Variants in SLC24A3 observed in about 807,000 individuals in gnomAD.
SLC24A3 encodes the protein solute carrier family 24 member 3, also known as sodium/potassium/calcium exchanger 3.
SLC24A3 carries 28 observed loss-of-function variants against 75.8 expected under a neutral mutation model. That is an observed-to-expected ratio of 0.37 (90% CI 0.27 to 0.51). SLC24A3 has a LOEUF of 0.51. Among genes scored for constraint, SLC24A3 ranks in the 20% least tolerant of loss-of-function variants. SLC24A3 has a pLI of 0.94. For missense variants in SLC24A3, 663 were observed against 847.8 expected (o/e 0.78, Z 2.71); for synonymous variants, 372 against 334.1 (o/e 1.11, Z -1.24).
intron 2 of SLC24A3, among the ~76,000 whole-genome samples, chr20:19,490,027 A>C (rs1988186483): frequency 6.6e-6 from 1 of 152,096 alleles, no homozygotes; most frequent in African/African-American, 2.4e-5. Context: ...GGGGATCCTG[A>C]ATTGCTCACC....
At chr20:19,535,206 A>T (rs1054042497) in intron 3 of SLC24A3, among the ~76,000 whole-genome samples, 1 of 152,262 alleles carries the variant, frequency 6.6e-6, no homozygotes, top group African/African-American at 2.4e-5. Context: ...GTAACAAATG[A>T]TGCTACATTT....
chr20:19,454,376 C>T (rs1425428621), intron 2 of SLC24A3, among the ~76,000 whole-genome samples: 2 of 152,120 alleles, frequency 1.3e-5, no homozygotes, highest in Admixed American at 6.5e-5. Flanking sequence ...GCTAATAGTT[C>T]AGGACAATGA....
intron 6 of SLC24A3, among the ~76,000 whole-genome samples, chr20:19,646,625 C>T (rs2032140452): frequency 6.6e-6 from 1 of 152,186 alleles, no homozygotes. Context: ...TAATCCAGCT[C>T]CATGGCATTT....
intron 2 of SLC24A3, among the ~76,000 whole-genome samples, chr20:19,452,998 A>G (rs781748861): frequency 5.3e-5 from 8 of 152,182 alleles, no homozygotes; most frequent in Non-Finnish European, 1.0e-4. Flanking sequence ...CGTGGCCAAG[A>G]TGGTGAAACC....
At chr20:19,528,207 A>G (rs2030233336) in intron 3 of SLC24A3, among the ~76,000 whole-genome samples, 1 of 152,206 alleles carries the variant, frequency 6.6e-6, no homozygotes, top group Non-Finnish European at 1.5e-5. Flanking sequence ...AGGGCCCCAA[A>G]GATAACTTGT....
chr20:19,641,116 C>CTATAT lies in SLC24A3; in HGVS notation c.613-12945_613-12941dup, dbSNP rs55967604. On this transcript the variant is annotated intron_variant, in intron 6 of 16. Transcript: ENST00000328041. ...ACTTTTAGTGCCACACCATAAAAGA[C>CTATAT]TATATGGCTTCTGCCTGTTCTCTTG... 2.8e-3 allele frequency among the ~76,000 whole-genome samples: 430 copies of CTATAT among 152,304 alleles called. 2 individuals carry two copies. Among genetic ancestry groups the CTATAT allele is most frequent in the Non-Finnish European group, 5.4e-3 (370 of 68,034 alleles).
chr20:19,480,601 C>T (rs1389579262), intron 2 of SLC24A3, among the ~76,000 whole-genome samples: 2 of 152,196 alleles, frequency 1.3e-5, no homozygotes, highest in East Asian at 3.9e-4. Flanking sequence ...CCTTGTCTGA[C>T]AACTAGCCCA....
intron 2 of SLC24A3, among the ~76,000 whole-genome samples, chr20:19,504,616 T>C (rs144093758): frequency 2.0e-3 from 309 of 152,346 alleles, no homozygotes; most frequent in African/African-American, 7.1e-3. Context: ...TACATCAGCC[T>C]ATTGGTCTGG....
chr20:19,696,881 T>TG lies in SLC24A3; in HGVS notation c.1577dup (p.Cys526TrpfsTer27). The TG allele has an allele frequency of 6.2e-7, 1 of 1,612,756 alleles. No homozygotes were observed. The highest frequency in any genetic ancestry group is 8.5e-7 in the Non-Finnish European group (1 of 1,179,708). On this transcript the variant is annotated frameshift_variant, in exon 14 of 17. Coordinates refer to ENST00000328041, the MANE Select transcript of SLC24A3 (RefSeq NM_020689.4). LOFTEE classifies it high-confidence loss of function. ...GGCTGCTGGGACCAGCGTGCCTGACTGCATGGCCAGCCTCATTGTGGCCAG... is the reference window on the plus strand; with the variant it reads ...GGCTGCTGGGACCAGCGTGCCTGACTGGCATGGCCAGCCTCATTGTGGCCAG...
rs140555886 is a variant in SLC24A3 at position 19,272,659 on chromosome 20, C to T, written c.143-8300C>T. On this transcript the variant is annotated intron_variant, in intron 1 of 16. Coordinates refer to ENST00000328041, the MANE Select transcript of SLC24A3 (RefSeq NM_020689.4). ...GGGCTTATCATTTAAACTTAATCCC[C>T]AGGTCAAGGGGCATGGCCCTGAGGG... Among the ~76,000 whole-genome samples, 349 of 152,328 alleles carry T rather than the reference C, an allele frequency of 2.3e-3. 2 individuals are homozygous for T. Among genetic ancestry groups the T allele is most frequent in the African/African-American group, 8.0e-3 (334 of 41,562 alleles).
intron 2 of SLC24A3, among the ~76,000 whole-genome samples, chr20:19,450,686 T>C (rs1356210413): frequency 1.3e-5 from 2 of 152,198 alleles, no homozygotes; most frequent in African/African-American, 2.4e-5. Context: ...AGTGAATAGA[T>C]GATACCTTGA....
At chr20:19,533,631 C>T (rs886737376) in intron 3 of SLC24A3, among the ~76,000 whole-genome samples, 23 of 152,146 alleles carry the variant, frequency 1.5e-4, no homozygotes, top group African/African-American at 5.6e-4. Context: ...ATAGGGCACT[C>T]ACTGTGGCTG....
chr20:19,609,118 A>T (rs920993860), intron 6 of SLC24A3, among the ~76,000 whole-genome samples: 3 of 152,198 alleles, frequency 2.0e-5, no homozygotes, highest in African/African-American at 7.2e-5. Flanking sequence ...CTAATATTAA[A>T]GGATCAGGAT....
chr20:19,216,136 A>G (rs907457052), intron 1 of SLC24A3, among the ~76,000 whole-genome samples: 2 of 152,160 alleles, frequency 1.3e-5, no homozygotes, highest in African/African-American at 4.8e-5. Context: ...ATGGATGAAG[A>G]TCTCATTTTT....
chr20:19,594,087 G>A (rs1428919401), intron 6 of SLC24A3, among the ~76,000 whole-genome samples: 3 of 152,152 alleles, frequency 2.0e-5, no homozygotes, highest in Admixed American at 1.3e-4. Flanking sequence ...CATGGCCTTC[G>A]AACTCCACCC....
At chr20:19,318,637 TC>T (rs1055826189) in intron 2 of SLC24A3, among the ~76,000 whole-genome samples, 1 of 152,074 alleles carries the variant, frequency 6.6e-6, no homozygotes, top group African/African-American at 2.4e-5. Flanking sequence ...CAATCTCCAG[TC>T]CTAGTCTCTT....
At chr20:19,474,760 T>C (rs1987934058) in intron 2 of SLC24A3, among the ~76,000 whole-genome samples, 1 of 152,190 alleles carries the variant, frequency 6.6e-6, no homozygotes, top group Non-Finnish European at 1.5e-5. Context: ...ATCTACTCTC[T>C]TAACAATTTT....
chr20:19,259,269 C>T (rs573084747), intron 1 of SLC24A3, among the ~76,000 whole-genome samples: 2 of 152,308 alleles, frequency 1.3e-5, no homozygotes, highest in East Asian at 3.9e-4. Flanking sequence ...ACTCTGACTC[C>T]ACCGTACAGA....
intron 6 of SLC24A3, among the ~76,000 whole-genome samples, chr20:19,613,975 T>G (rs1418276427): frequency 2.0e-5 from 3 of 152,242 alleles, no homozygotes; most frequent in Non-Finnish European, 4.4e-5. Context: ...TGGCGCAGAC[T>G]GTTGACATCC....
Sources: gnomAD v4.1 joint callset for allele counts (sites outside exome capture counted in the v4.1 genomes callset) on GRCh38, gnomAD v4.1.1 for gene constraint, MANE v1.5 for transcripts, NCBI Gene and HGNC (gene_info 2026-07-23, HGNC 2026-07-21) for gene names.